TBC1D30: variants seen among roughly 807,000 people sequenced by gnomAD.
The protein encoded by TBC1D30 is TBC1 domain family member 30, also known as TBC1 domain family, member 30.
A neutral mutation model predicts 63.2 loss-of-function variants in TBC1D30; 31 were observed. That is an observed-to-expected ratio of 0.49 (90% CI 0.37 to 0.66). TBC1D30 has a LOEUF of 0.66. TBC1D30 is among the 30% of genes least tolerant of loss of function. TBC1D30 has a pLI of 0.00. For synonymous variants in TBC1D30, 307 were observed against 361.5 expected, an observed-to-expected ratio of 0.85 and a Z score of 1.71; for missense variants, 810 against 953.6, an observed-to-expected ratio of 0.85 and a Z score of 1.98.
intron 1 of TBC1D30, among the ~76,000 whole-genome samples, chr12:64,763,827 A>G (rs1870610296): frequency 6.6e-6 from 1 of 151,010 alleles, no homozygotes; most frequent in African/African-American, 2.4e-5. Context: ...CTGGTCTCGA[A>G]CTCCTGACCT....
At chr12:64,869,723 C>T (rs967976344) in intron 10 of TBC1D30, among the ~76,000 whole-genome samples, 13 of 151,890 alleles carry the variant, frequency 8.6e-5, no homozygotes, top group East Asian at 5.8e-4. Context: ...TGATTTTGCT[C>T]TGATTAGCAG....
chr12:64,839,270 A>G (rs58327448), intron 7 of TBC1D30, among the ~76,000 whole-genome samples: 4,546 of 152,102 alleles, frequency 0.03, 245 homozygotes, highest in African/African-American at 0.1. Context: ...GATAAAATCA[A>G]ATGAGATAAC....
At chr12:64,838,536 A>G in intron 6 of TBC1D30, 147 bp from the exon 7 acceptor site, 1 of 819,282 alleles carries the variant, frequency 1.2e-6, no homozygotes, top group South Asian at 2.1e-5. Flanking sequence ...CATGGCAGAA[A>G]AAAGAAAGAA....
At chr12:64,862,788 C>T (rs558345780) in intron 8 of TBC1D30, among the ~76,000 whole-genome samples, 2 of 152,202 alleles carry the variant, frequency 1.3e-5, no homozygotes, top group East Asian at 3.9e-4. Context: ...TGTCTGAACA[C>T]ATTTCTAAAC....
In TBC1D30 at chr12:64,877,072, C is replaced by A; in HGVS notation, c.*1284C>A. 2.8e-6 allele frequency: 1 copy of A among 362,068 alleles called. No individual in the cohort carries two copies. The highest frequency in any genetic ancestry group is 5.5e-6 in the Non-Finnish European group (1 of 181,046). 22.4% of individuals were successfully genotyped at this position (362,068 alleles called of 1,614,324 possible). A position where few individuals can be genotyped will look rare whatever the true frequency, so the allele number is the denominator to read the frequency against. On this transcript the variant is annotated 3_prime_UTR_variant, in exon 12 of 12. Coordinates refer to ENST00000539867, the MANE Select transcript of TBC1D30 (RefSeq NM_015279.2). ...GACTGGGAAGCCATTCACTAAAATC[C>A]CTCCTGACTCAAAGGACCTGTCTCC...
At chr12:64,840,698 A>C (rs1005993545) in intron 7 of TBC1D30, among the ~76,000 whole-genome samples, 2 of 152,244 alleles carry the variant, frequency 1.3e-5, no homozygotes, top group Admixed American at 1.3e-4. Context: ...TACTAAGTGG[A>C]ATGGCCTGAA....
chr12:64,874,936 T>C, intron 11 of TBC1D30, 65 bp from the exon 12 acceptor site: 1 of 1,446,546 alleles, frequency 6.9e-7, no homozygotes, highest in Non-Finnish European at 9.2e-7. Context: ...CTAAGTGATT[T>C]CTGTTCCAAG....
chr12:64,798,766 G>A (rs1872424750), intron 2 of TBC1D30, among the ~76,000 whole-genome samples: 1 of 151,246 alleles, frequency 6.6e-6, no homozygotes, highest in Admixed American at 6.6e-5. Flanking sequence ...GGTACAGACT[G>A]GGCCTCAGCA....
At chr12:64,871,168 A>G (rs17100754) in intron 11 of TBC1D30, among the ~76,000 whole-genome samples, 1 of 152,162 alleles carries the variant, frequency 6.6e-6, no homozygotes, top group Non-Finnish European at 1.5e-5. Flanking sequence ...TGAATATAGA[A>G]TCATCTGTGC....
intron 6 of TBC1D30, 67 bp downstream of exon 6, chr12:64,836,725 C>T: frequency 7.5e-7 from 1 of 1,330,686 alleles, no homozygotes; most frequent in Non-Finnish European, 1.0e-6. Context: ...ACAAATGAGC[C>T]TAAACATTGA....
Position 64,836,598 on chromosome 12 carries a change from C to G in TBC1D30, c.703C>G (p.Leu235Val). 6.5e-7 allele frequency: 1 copy of G among 1,535,952 alleles called. No homozygotes were observed. Among genetic ancestry groups the G allele is most frequent in the South Asian group, 1.2e-5 (1 of 84,048 alleles). The change falls in exon 6 of 12, where the codon CTG becomes GTG. Residue 235 changes from leucine to valine, a missense_variant. By Grantham distance (32) the Leu-to-Val change is conservative. Around this residue, in one of 4 missense-constraint regions of TBC1D30, gnomAD observed 272 missense variants for 335.9 expected, o/e 0.81. Coordinates refer to ENST00000539867, the MANE Select transcript of TBC1D30 (RefSeq NM_015279.2). ...CTTCAGAGACCTTTTAAGAATGAAG[C>G]TGCCGGAATTATCTCAGCACCTGGA... is the stretch of plus-strand genomic sequence containing the variant. ...AVFRDLLRMK[L>V]PELSQHLDTL...
At chr12:64,825,181 G>A (rs1215322477) in intron 1 of TBC1D30, 148 bp downstream of exon 1, 7 of 1,225,538 alleles carry the variant, frequency 5.7e-6, no homozygotes, top group Non-Finnish European at 7.7e-6. Context: ...GGCACCTGCA[G>A]GGAGCGATTG....
intron 5 of TBC1D30, among the ~76,000 whole-genome samples, chr12:64,832,866 T>C (rs530451652): frequency 7.2e-5 from 11 of 152,322 alleles, no homozygotes; most frequent in African/African-American, 2.2e-4. Context: ...AGCCTCTCCA[T>C]CTCTCAACCC....
At chr12:64,830,277 A>G in intron 3 of TBC1D30, 100 bp from the exon 4 acceptor site, 7 of 1,203,824 alleles carry the variant, frequency 5.8e-6, no homozygotes, top group South Asian at 1.8e-5. Flanking sequence ...TGGTCTAGGG[A>G]CACTTCCCAT....
chr12:64,822,696 G>T (rs1236782354), upstream of TBC1D30, among the ~76,000 whole-genome samples: 1 of 144,942 alleles, frequency 6.9e-6, no homozygotes, highest in Non-Finnish European at 1.5e-5. Context: ...TTTTTGTAGA[G>T]ATGGGGGTTT....
At chr12:64,821,883 A>C (rs1873909275), upstream of TBC1D30, among the ~76,000 whole-genome samples, 3 of 152,232 alleles carry the variant, frequency 2.0e-5, 1 homozygote, top group South Asian at 4.1e-4. Flanking sequence ...TTAAACAGTG[A>C]CTTCATTTTC....
At chr12:64,839,565 C>T (rs1304173286) in intron 7 of TBC1D30, among the ~76,000 whole-genome samples, 2 of 152,188 alleles carry the variant, frequency 1.3e-5, no homozygotes, top group Non-Finnish European at 2.9e-5. Flanking sequence ...CTATAAATGA[C>T]GAGTGGGTTC....
exon 1 of TBC1D30, chr12:64,759,592 C>A: frequency 2.6e-6 from 1 of 388,062 alleles, no homozygotes; most frequent in Non-Finnish European, 4.7e-6. Context: ...GGCGGAGAAC[C>A]GGAGAAAAGG....
chr12:64,803,827 C>T (rs570417166), intron 2 of TBC1D30, among the ~76,000 whole-genome samples: 3 of 152,282 alleles, frequency 2.0e-5, no homozygotes, highest in African/African-American at 7.2e-5. Context: ...GGTATCATTT[C>T]TGAGGGCTCT....
Sources: gnomAD v4.1 joint callset for allele counts (sites outside exome capture counted in the v4.1 genomes callset) on GRCh38, gnomAD v4.1.1 for gene constraint, gnomAD v4.1.1 regional missense constraint, MANE v1.5 for transcripts, NCBI Gene and HGNC (gene_info 2026-07-23, HGNC 2026-07-21) for gene names.